The following MXRA8 variants were observed in gnomAD, a reference collection of about 807,000 sequenced individuals.
MXRA8 encodes matrix remodeling-associated protein 8.
Under a neutral mutation model 51.4 loss-of-function variants are expected in MXRA8, and 44 were observed. That is an observed-to-expected ratio of 0.86 (90% CI 0.67 to 1.10). The LOEUF (loss-of-function observed/expected upper bound fraction) is 1.10, where lower values mean the gene tolerates loss of function less well. MXRA8 is among the 50% of genes least tolerant of loss of function. The pLI, the probability that MXRA8 is intolerant of heterozygous loss-of-function variation, is 0.00. For missense variants in MXRA8, 765 were observed against 638.9 expected, an observed-to-expected ratio of 1.20 and a Z score of -2.13; for synonymous variants, 369 against 293.5, an observed-to-expected ratio of 1.26 and a Z score of -2.63.
chr1:1,355,411 C>A, intron 3 of MXRA8, 39 bp downstream of exon 3: 1 of 1,493,078 alleles, frequency 6.7e-7, no homozygotes, highest in East Asian at 2.8e-5. Context: ...CCCCGGACCC[C>A]TGCCCCGACC....
chr1:1,358,875 G>A (rs953486399), upstream of MXRA8: 79 of 1,028,266 alleles, frequency 7.7e-5, no homozygotes, highest in Non-Finnish European at 8.5e-5. Context: ...TGTTGGGTGA[G>A]TGGCCCCTCC....
chr1:1,353,440 G>T lies in MXRA8; in HGVS notation c.*164C>A. On this transcript the variant is annotated 3_prime_UTR_variant, in exon 10 of 10. Coordinates refer to ENST00000309212, the MANE Select transcript of MXRA8 (RefSeq NM_032348.4). The stretch of plus-strand genomic sequence containing the variant: ...GGGGCTATGCTGCCACCAAGCCCCT[G>T]GGAGAGGGGTGTGGAGGCGGCCTCT... 6.6e-7 allele frequency: 1 copy of T among 1,509,442 alleles called. No homozygotes were observed. The allele number at this position is 1,509,442 out of a possible 1,614,324, so 93.5% of individuals were successfully genotyped here.
At chr1:1,353,695 G>A (rs1276137217) in intron 9 of MXRA8, 66 bp from the exon 10 acceptor site, 1 of 1,516,478 alleles carries the variant, frequency 6.6e-7, no homozygotes, top group South Asian at 1.2e-5. Context: ...GGAGACACAG[G>A]GCAGACCCCC....
intron 5 of MXRA8, 38 bp downstream of exon 5, chr1:1,354,644 G>T (rs1479595927): frequency 6.5e-7 from 1 of 1,539,318 alleles, no homozygotes; most frequent in Non-Finnish European, 8.7e-7. Context: ...GGTGGGGTGG[G>T]CTCCCGCCTT....
At chr1:1,361,096 C>T (rs1022471474), upstream of MXRA8, 4 of 685,404 alleles carry the variant, frequency 5.8e-6, no homozygotes, top group Admixed American at 2.0e-5. Flanking sequence ...ACACACGACA[C>T]ACATGGAGAC....
chr1:1,362,543 G>C (rs1644233476), upstream of MXRA8, among the ~76,000 whole-genome samples: 1 of 152,014 alleles, frequency 6.6e-6, no homozygotes, highest in Admixed American at 6.6e-5. Flanking sequence ...ACTTTGGGAG[G>C]CCAAGGTGGG....
At chr1:1,358,427 C>A in intron 1 of MXRA8, 29 bp downstream of exon 1, 2 of 1,594,474 alleles carry the variant, frequency 1.3e-6, no homozygotes, top group East Asian at 2.3e-5. Flanking sequence ...GTGCCACCCC[C>A]CACCCGCCTC....
upstream of MXRA8, chr1:1,359,003 C>A (rs574532686): frequency 7.1e-6 from 7 of 985,478 alleles, no homozygotes; most frequent in South Asian, 3.3e-4. Flanking sequence ...ACGGTGCACG[C>A]TGGTGCTCTC....
upstream of MXRA8, among the ~76,000 whole-genome samples, chr1:1,362,125 G>A (rs530083816): frequency 6.6e-6 from 1 of 152,304 alleles, no homozygotes; most frequent in African/African-American, 2.4e-5. Flanking sequence ...CTGCATTCGT[G>A]TTGGTCCCTC....
At chr1:1,358,813 G>A (rs1258772825), upstream of MXRA8, 4 of 1,140,244 alleles carry the variant, frequency 3.5e-6, no homozygotes, top group Non-Finnish European at 1.1e-6. Flanking sequence ...GATACCACGT[G>A]ATCGTGTCTC....
At position 1,353,266 on chromosome 1, in the gene MXRA8, C is replaced by A; in HGVS notation, c.*338G>T. 6.5e-7 allele frequency: 1 copy of A among 1,534,112 alleles called. No homozygotes were observed. Among genetic ancestry groups the A allele is most frequent in the Admixed American group, 2.0e-5 (1 of 50,962 alleles). On this transcript the variant is annotated 3_prime_UTR_variant, in exon 10 of 10. Coordinates refer to ENST00000309212, the MANE Select transcript of MXRA8 (RefSeq NM_032348.4). Reference sequence around the variant, plus strand: ...GAGGCTGACCCCAGTTTTGGGGCTGCCAGGTTCTGATGGGAGTGTCCTCCA... The same window carrying A: ...GAGGCTGACCCCAGTTTTGGGGCTGACAGGTTCTGATGGGAGTGTCCTCCA...
intron 1 of MXRA8, 53 bp from the exon 2 acceptor site, chr1:1,356,757 G>T: frequency 3.0e-6 from 3 of 998,574 alleles, no homozygotes; most frequent in Non-Finnish European, 3.7e-6. Context: ...ACCCAGCCCC[G>T]AGACCCCCCA....
chr1:1,355,799 G>T, intron 2 of MXRA8, 47 bp from the exon 3 acceptor site: 1 of 617,316 alleles, frequency 1.6e-6, no homozygotes, highest in Non-Finnish European at 2.1e-6. Context: ...GCCCCCTAGG[G>T]CCCTGGTTGG....
Position 1,355,051 on chromosome 1 carries a change from T to A in MXRA8, c.580A>T (p.Thr194Ser). Residue 194 changes from threonine to serine, a missense_variant, in exon 5 of 10, where the codon ACC (threonine) becomes TCC (serine). Thr to Ser is a moderately conservative substitution (Grantham distance 58). Coordinates refer to ENST00000309212, the MANE Select transcript of MXRA8 (RefSeq NM_032348.4). ...LTCVNRGHVWTDRHVEEAQQV... is the reference protein window; with the variant it reads ...LTCVNRGHVWSDRHVEEAQQV... The stretch of plus-strand genomic sequence containing the variant: ...TGAGCCTCCTCCACGTGCCGGTCGG[T>A]CCACACGTGCCCGCGGTTCACGCAG... The A allele has an allele frequency of 1.2e-6, 2 of 1,606,026 alleles. No individual in the cohort carries two copies.
At chr1:1,359,167 C>G (rs889267333), upstream of MXRA8, 1 of 985,232 alleles carries the variant, frequency 1.0e-6, no homozygotes, top group African/African-American at 1.7e-5. Flanking sequence ...CAGCCAGGGA[C>G]AGGGGACCCT....
Position 1,352,826 on chromosome 1 carries a change from CA to C in MXRA8, c.*777del. On this transcript the variant is annotated 3_prime_UTR_variant, in exon 10 of 10. Transcript: ENST00000309212. ...CCCTGTCCTCAGCCAGTACAGAAGC[CA>C]AATGTAGCCCCAGCCCTAGACTCCA... 1 of 222,704 alleles carries C rather than the reference CA, an allele frequency of 4.5e-6. No homozygotes were observed. 13.8% of individuals were successfully genotyped at this position (222,704 alleles called of 1,614,324 possible).
chr1:1,355,907 G>T (rs1354900174), intron 2 of MXRA8, among the ~76,000 whole-genome samples, 155 bp from the exon 3 acceptor site: 8 of 136,974 alleles, frequency 5.8e-5, no homozygotes, highest in African/African-American at 2.2e-4. Flanking sequence ...GGAAGTCCGT[G>T]GGGTGGGGCA....
chr1:1,353,782 C>A, intron 9 of MXRA8, 66 bp downstream of exon 9: 1 of 1,502,406 alleles, frequency 6.7e-7, no homozygotes, highest in South Asian at 1.3e-5. Context: ...CATCGTTGGT[C>A]CCAGGTGAGG....
rs902353026 is a variant in MXRA8 at position 1,355,738 on chromosome 1, C to T, written c.88G>A (p.Ala30Thr). 1.6e-5 allele frequency: 16 copies of T among 1,021,718 alleles called. No homozygotes were observed. The African/African-American group carries it at 2.9e-4, about 19-fold the overall frequency. The allele number at this position is 1,021,718 out of a possible 1,614,324, so 63.3% of individuals were successfully genotyped here. A position where few individuals can be genotyped will look rare whatever the true frequency, so the allele number is the denominator to read the frequency against. Residue 30 changes from alanine to threonine, a missense_variant, in exon 3 of 10, where the codon GCC becomes ACC. Transcript: ENST00000309212. ...GACACCACGGAGCTGCCAGCAGCGG[C>T]GGGTACCGAGGACCCTGGTGGGGGA... ...VLLHSGSSVP[A>T]AAGSSVVSES...
Sources: gnomAD v4.1 joint callset for allele counts (sites outside exome capture counted in the v4.1 genomes callset) on GRCh38, gnomAD v4.1.1 for gene constraint, MANE v1.5 for transcripts, NCBI Gene and HGNC (gene_info 2026-07-23, HGNC 2026-07-21) for gene names.